ADAM11: variants seen among roughly 807,000 people sequenced by gnomAD.
ADAM11 encodes disintegrin and metalloproteinase domain-containing protein 11.
ADAM11 carries 49 observed loss-of-function variants against 119.1 expected under a neutral mutation model. That is an observed-to-expected ratio of 0.41 (90% CI 0.33 to 0.52). The LOEUF (loss-of-function observed/expected upper bound fraction) is 0.52, where lower values mean the gene tolerates loss of function less well. ADAM11 is among the 20% of genes least tolerant of loss of function. The pLI is 0.20. For synonymous variants in ADAM11, 364 were observed against 408.0 expected (o/e 0.89, Z 1.30); for missense variants, 777 against 1,047.5 (o/e 0.74, Z 3.56).
At chr17:44,769,231 A>G (rs965436983) in intron 2 of ADAM11, among the ~76,000 whole-genome samples, 7 of 152,160 alleles carry the variant, frequency 4.6e-5, no homozygotes, top group African/African-American at 1.7e-4. Flanking sequence ...CCCCTGTCCG[A>G]GGCCTCCTAT....
In ADAM11 at chr17:44,776,561, C is replaced by G. The variant is rs527727954; in HGVS notation, c.1567-184C>G. Among the ~76,000 whole-genome samples, 10 of 152,158 alleles carry G rather than the reference C, an allele frequency of 6.6e-5. No homozygotes were observed. The highest frequency in any genetic ancestry group is 1.2e-4 in the Non-Finnish European group (8 of 68,014). ...ACGAGGGAGGGAGGCTGGAGCGGCT[C>G]TGGGGCTTGCAAATCCGTGTGGTCT... On this transcript the variant is annotated intron_variant, in intron 18 of 26. Coordinates refer to ENST00000200557, the MANE Select transcript of ADAM11 (RefSeq NM_002390.6). The surrounding 1 kb of genome is among the most constrained non-coding windows in gnomAD (Gnocchi z 5.2).
intron 26 of ADAM11, chr17:44,779,488 C>T (rs2049661968): frequency 1.5e-5 from 15 of 985,436 alleles, no homozygotes; most frequent in Non-Finnish European, 1.8e-5. Flanking sequence ...CGGCCAGGCC[C>T]TCCCCTGCCA....
chr17:44,774,225 A>G, intron 11 of ADAM11, 70 bp from the exon 12 acceptor site: 1 of 1,038,902 alleles, frequency 9.6e-7, no homozygotes, highest in East Asian at 2.8e-5. Flanking sequence ...GGGCTCCCCA[A>G]GGCCCCACCA....
At chr17:44,778,726 GAAAGAAAAGAAAAGAGA>G (rs1378125484) in intron 25 of ADAM11, among the ~76,000 whole-genome samples, 1 of 125,406 alleles carries the variant, frequency 8.0e-6, no homozygotes, top group African/African-American at 3.0e-5. Context: ...AAGAAAGAGA[GAAAGAAAAGAAAAGAGA>G]AAAGAAATCA....
intron 2 of ADAM11, 73 bp downstream of exon 2, chr17:44,759,970 A>G: frequency 8.1e-7 from 1 of 1,232,272 alleles, no homozygotes; most frequent in Non-Finnish European, 1.0e-6. Flanking sequence ...CGGGGTAACC[A>G]GGGTTGGAGT....
intron 2 of ADAM11, among the ~76,000 whole-genome samples, chr17:44,761,988 A>G (rs2049395008): frequency 2.0e-5 from 3 of 151,906 alleles, no homozygotes; most frequent in Non-Finnish European, 4.4e-5. Flanking sequence ...ATGCCTGGCT[A>G]ATTTTTTGTA....
In ADAM11 at chr17:44,777,908, G is replaced by C. The variant is rs562025985; in HGVS notation, c.2071-44G>C. On this transcript the variant is annotated intron_variant, in intron 23 of 26. Transcript: ENST00000200557. The surrounding 1 kb of genome is among the most constrained non-coding windows in gnomAD (Gnocchi z 5.1). ...GATGGCGGGAGAAGCTTACAAGAGG[G>C]GACAGGCCCCTGCTCACCTCTCCTG... 1 of 1,613,654 alleles carries C rather than the reference G, an allele frequency of 6.2e-7. No individual in the cohort carries two copies. Among genetic ancestry groups the C allele is most frequent in the Non-Finnish European group, 8.5e-7 (1 of 1,179,890 alleles).
chr17:44,769,915 G>A (rs1334291082), intron 3 of ADAM11, 67 bp from the exon 4 acceptor site: 2 of 1,609,578 alleles, frequency 1.2e-6, no homozygotes, highest in Non-Finnish European at 1.7e-6. Flanking sequence ...GTCCTGACCT[G>A]AGGCGAGCCT....
Position 44,776,581 on chromosome 17 carries a change from T to C in ADAM11, c.1567-164T>C, listed in dbSNP as rs1467088829. 6.6e-6 allele frequency among the ~76,000 whole-genome samples: 1 copy of C among 152,134 alleles called. No homozygotes were observed. The highest frequency in any genetic ancestry group is 1.9e-4 in the East Asian group (1 of 5,180). ...CGGCTCTGGGGCTTGCAAATCCGTG[T>C]GGTCTGGGTCCAGAACCAGACAGAT... On this transcript the variant is annotated intron_variant, in intron 18 of 26. Coordinates refer to ENST00000200557, the MANE Select transcript of ADAM11 (RefSeq NM_002390.6). The surrounding 1 kb of genome is among the most constrained non-coding windows in gnomAD (Gnocchi z 5.2).
Position 44,780,497 on chromosome 17 carries a change from C to T in ADAM11, c.*743C>T, listed in dbSNP as rs1201161300. ...ACGGCAACCACATGTCCCAGATCGT[C>T]TCCAATTCGAAAACAACCGTCCTGC... On this transcript the variant is annotated 3_prime_UTR_variant, in exon 27 of 27. Transcript: ENST00000200557. The T allele has an allele frequency of 3.9e-6, 1 of 253,670 alleles. No homozygotes were observed. Among genetic ancestry groups the T allele is most frequent in the Non-Finnish European group, 7.7e-6 (1 of 130,446 alleles). The allele number at this position is 253,670 out of a possible 1,614,324, so 15.7% of individuals were successfully genotyped here.
intron 1 of ADAM11, 55 bp downstream of exon 1, chr17:44,759,315 T>C: frequency 7.5e-7 from 1 of 1,336,710 alleles, no homozygotes; most frequent in South Asian, 1.8e-5. Context: ...CCCCGGGATG[T>C]GCGGCGCTTG....
chr17:44,761,458 G>T (rs917101179), intron 2 of ADAM11, among the ~76,000 whole-genome samples: 1 of 152,172 alleles, frequency 6.6e-6, no homozygotes, highest in African/African-American at 2.4e-5. Flanking sequence ...GATGGGTGCA[G>T]TTGAACTGCT....
At chr17:44,778,626 G>A (rs1467534596) in intron 25 of ADAM11, among the ~76,000 whole-genome samples, 1 of 137,228 alleles carries the variant, frequency 7.3e-6, no homozygotes. Context: ...GGGAGGTGGA[G>A]GTTGCAGTGA....
chr17:44,759,320 C>A, intron 1 of ADAM11, 60 bp downstream of exon 1: 1 of 1,338,278 alleles, frequency 7.5e-7, no homozygotes, highest in Admixed American at 3.8e-5. Flanking sequence ...GGATGTGCGG[C>A]GCTTGCTGCT....
At position 44,759,847 on chromosome 17, in the gene ADAM11, C is replaced by G; in HGVS notation, c.187C>G (p.Arg63Gly). 7.6e-7 allele frequency: 1 copy of G among 1,314,002 alleles called. No individual in the cohort carries two copies. Among genetic ancestry groups the G allele is most frequent in the Non-Finnish European group, 9.8e-7 (1 of 1,023,258 alleles). 81.4% of individuals were successfully genotyped at this position (1,314,002 alleles called of 1,614,324 possible). A position where few individuals can be genotyped will look rare whatever the true frequency, so the allele number is the denominator to read the frequency against. Residue 63 changes from arginine to glycine, a missense_variant, in exon 2 of 27, where the codon CGA (arginine) becomes GGA (glycine). Arg to Gly is a moderately radical substitution (Grantham distance 125). Coordinates refer to ENST00000200557, the MANE Select transcript of ADAM11 (RefSeq NM_002390.6). The part of the protein sequence containing the change: ...LVRESSGGEV[R>G]KQQLDTRVRQ... ...TAGGGAGAGCTCCGGGGGAGAGGTC[C>G]GAAAGCAGCAGCTGGACACAAGGGT... is the stretch of plus-strand genomic sequence containing the variant.
In ADAM11 at chr17:44,774,337, G is replaced by T; in HGVS notation, c.1035G>T (p.Val345=). The T allele has an allele frequency of 6.8e-7, 1 of 1,481,440 alleles. No homozygotes were observed. The highest frequency in any genetic ancestry group is 9.0e-7 in the Non-Finnish European group (1 of 1,111,172). 91.8% of individuals were successfully genotyped at this position (1,481,440 alleles called of 1,614,324 possible). The stretch of plus-strand genomic sequence containing the variant: ...GCACGAGCAGCGGGGCAGCCTACGT[G>T]GGGGGCATATGCTCCCTGTCCCACG... ...FQSTSSGAAY[V]GGICSLSHGG... The change falls in exon 12 of 27, where the codon GTG becomes GTT. Residue 345 remains valine (V), a synonymous_variant. Coordinates refer to ENST00000200557, the MANE Select transcript of ADAM11 (RefSeq NM_002390.6).
In ADAM11 at chr17:44,777,652, GT is replaced by G; in HGVS notation, c.1902-41del. 6.2e-7 allele frequency: 1 copy of G among 1,613,568 alleles called. No individual in the cohort carries two copies. On this transcript the variant is annotated intron_variant, in intron 22 of 26. Transcript: ENST00000200557. This position sits in a 1 kb window ranked among gnomAD's most constrained non-coding sequence, Gnocchi z 5.1. ...AGGGGAGGTTGCAGCTGTGCTGGGG[GT>G]TAGGAGACAGGGGGCTGAGGCTGGC...
intron 2 of ADAM11, among the ~76,000 whole-genome samples, chr17:44,761,430 G>A (rs1598880828): frequency 6.6e-6 from 1 of 152,292 alleles, no homozygotes; most frequent in East Asian, 1.9e-4. Context: ...GGTGTCTGCA[G>A]CTGCGTGGGA....
chr17:44,772,136 G>A lies in ADAM11; in HGVS notation c.544-131G>A, dbSNP rs1303259663. 7.7e-6 allele frequency: 7 copies of A among 913,586 alleles called. No individual in the cohort carries two copies. The highest frequency in any genetic ancestry group is 1.7e-5 in the African/African-American group (1 of 59,370). The allele number at this position is 913,586 out of a possible 1,614,324, so 56.6% of individuals were successfully genotyped here. A position where few individuals can be genotyped will look rare whatever the true frequency, so the allele number is the denominator to read the frequency against. On this transcript the variant is annotated intron_variant, in intron 6 of 26. Transcript: ENST00000200557. This position sits in a 1 kb window ranked among gnomAD's most constrained non-coding sequence, Gnocchi z 4.5. ...TCTGAGCATCTGGGAGATCAGATCC[G>A]ACATGGGAGCTGTGGCCAGTTCTGG...
Sources: gnomAD v4.1 joint callset for allele counts (sites outside exome capture counted in the v4.1 genomes callset) on GRCh38, gnomAD v4.1.1 for gene constraint, Gnocchi (gnomAD v3.1) non-coding constraint, MANE v1.5 for transcripts, NCBI Gene and HGNC (gene_info 2026-07-23, HGNC 2026-07-21) for gene names.